DOCK3: variants seen among roughly 807,000 people sequenced by gnomAD.
DOCK3 encodes dedicator of cytokinesis protein 3.
DOCK3 carries 60 observed loss-of-function variants against 265.6 expected under a neutral mutation model. That is an observed-to-expected ratio of 0.23 (90% CI 0.18 to 0.28). DOCK3 has a LOEUF of 0.28. Ranked by LOEUF, DOCK3 falls within the 10% of genes least tolerant of loss-of-function variation. The pLI is 1.00. For synonymous variants in DOCK3, 881 were observed against 938.0 expected (o/e 0.94, Z 1.11); for missense variants, 1,981 against 2,594.3 (o/e 0.76, Z 5.14).
intron 40 of DOCK3, among the ~76,000 whole-genome samples, chr3:51,351,406 C>T (rs1463660849): frequency 6.6e-6 from 1 of 152,152 alleles, no homozygotes; most frequent in Non-Finnish European, 1.5e-5. Context: ...GGCTTAATAG[C>T]TCCTTTAAAA....
intron 1 of DOCK3, among the ~76,000 whole-genome samples, chr3:50,745,140 T>TC: frequency 6.6e-6 from 1 of 152,280 alleles, no homozygotes; most frequent in Middle Eastern, 3.4e-3. Context: ...AGACAGAGTC[T>TC]CACTCTGTTG....
rs1410960938 is a variant in DOCK3 at position 51,227,276 on chromosome 3, C to T, written c.1378-7C>T. On this transcript the variant is annotated splice_polypyrimidine_tract_variant and splice_region_variant and intron_variant, in intron 15 of 52. Coordinates refer to ENST00000266037, the MANE Select transcript of DOCK3 (RefSeq NM_004947.5). Reference sequence around the variant, plus strand: ...AGATGACATCTTATTTTGTTTCTTTCTTCCAGGATTGCATCAGCTTGGGTT... The same window carrying T: ...AGATGACATCTTATTTTGTTTCTTTTTTCCAGGATTGCATCAGCTTGGGTT... The T allele has an allele frequency of 1.2e-6, 2 of 1,612,126 alleles. No homozygotes were observed. The highest frequency in any genetic ancestry group is 3.3e-5 in the Admixed American group (2 of 59,892).
chr3:51,279,935 C>T (rs760839184), intron 26 of DOCK3, among the ~76,000 whole-genome samples, 171 bp from the exon 27 acceptor site: 5 of 152,198 alleles, frequency 3.3e-5, no homozygotes, highest in Non-Finnish European at 5.9e-5. Context: ...CCTAATCCCT[C>T]CAGGCTTTCC....
At chr3:50,950,403 A>T (rs1367980783) in intron 5 of DOCK3, among the ~76,000 whole-genome samples, 1 of 152,174 alleles carries the variant, frequency 6.6e-6, no homozygotes, top group Non-Finnish European at 1.5e-5. Flanking sequence ...TTCTCTGGGA[A>T]GATTTGCATT....
rs756774908 is a variant in DOCK3, at chr3:51,104,773, C to T, written c.746+14389C>T. 2.3e-4 allele frequency among the ~76,000 whole-genome samples: 35 copies of T among 152,184 alleles called. 1 individual carries two copies. Among genetic ancestry groups the T allele is most frequent in the South Asian group, 8.3e-4 (4 of 4,814 alleles). Reference sequence around the variant, plus strand: ...GAACGTCTAGGAGGATTTCCCATTACTTTTTTAATTTTTAAAATGTTTTTA... The same window carrying T: ...GAACGTCTAGGAGGATTTCCCATTATTTTTTTAATTTTTAAAATGTTTTTA... On this transcript the variant is annotated intron_variant, in intron 9 of 52. Transcript: ENST00000266037.
intron 3 of DOCK3, among the ~76,000 whole-genome samples, chr3:50,869,782 G>A (rs2047348901): frequency 6.6e-6 from 1 of 152,092 alleles, no homozygotes; most frequent in Admixed American, 6.6e-5. Flanking sequence ...CTTTATTGAT[G>A]TAGGTACTTA....
At chr3:50,839,645 G>A (rs538481777) in intron 2 of DOCK3, among the ~76,000 whole-genome samples, 85 of 143,732 alleles carry the variant, frequency 5.9e-4, no homozygotes, top group Non-Finnish European at 1.0e-3. Context: ...ATCTTCTTTG[G>A]TGAAGTGTCT....
At chr3:50,786,797 A>C in intron 2 of DOCK3, 5 of 741,272 alleles carry the variant, frequency 6.7e-6, no homozygotes, top group Middle Eastern at 2.5e-4. Flanking sequence ...TTTGTGCCCA[A>C]CGTGGATGCT....
chr3:51,377,796 T>C (rs2088259564), intron 51 of DOCK3, among the ~76,000 whole-genome samples: 1 of 152,222 alleles, frequency 6.6e-6, no homozygotes, highest in Admixed American at 6.5e-5. Flanking sequence ...CTTCCTGCCC[T>C]AGAGCTCCTT....
chr3:51,362,864 G>A (rs750428098), intron 49 of DOCK3, among the ~76,000 whole-genome samples, 190 bp downstream of exon 49: 3 of 152,192 alleles, frequency 2.0e-5, no homozygotes, highest in Admixed American at 6.5e-5. Context: ...TTCAGACTCC[G>A]CTCTGAGCAG....
chr3:50,890,508 G>C (rs2048589049), intron 4 of DOCK3, among the ~76,000 whole-genome samples: 1 of 151,960 alleles, frequency 6.6e-6, no homozygotes. Flanking sequence ...AAAATGGTTT[G>C]ATCACAAATT....
intron 9 of DOCK3, among the ~76,000 whole-genome samples, chr3:51,128,907 T>A (rs1277119495): frequency 6.6e-6 from 1 of 152,212 alleles, no homozygotes; most frequent in Non-Finnish European, 1.5e-5. Flanking sequence ...GGAAAGAGGC[T>A]GAGTGGTGTC....
In DOCK3 at chr3:50,804,509, G is replaced by C. The variant is rs1385948701; in HGVS notation, c.121+25751G>C. ...CCCGGTACCTTGGGAGGCTGAGGCT[G>C]GCGGATCACTCACGTTTAGGAGCTG... On this transcript the variant is annotated intron_variant, in intron 2 of 52. Coordinates refer to ENST00000266037, the MANE Select transcript of DOCK3 (RefSeq NM_004947.5). Among the ~76,000 whole-genome samples, 7 of 152,208 alleles carry C rather than the reference G, an allele frequency of 4.6e-5. No individual in the cohort carries two copies. The East Asian group carries it at 1.3e-3, about 29-fold the overall frequency.
At chr3:50,742,373 A>C (rs2039106306) in intron 1 of DOCK3, among the ~76,000 whole-genome samples, 1 of 152,220 alleles carries the variant, frequency 6.6e-6, no homozygotes. Flanking sequence ...TGAGAGAAGA[A>C]GGCTTCAGAC....
intron 5 of DOCK3, among the ~76,000 whole-genome samples, chr3:50,979,661 G>A (rs933242795): frequency 6.6e-6 from 1 of 152,032 alleles, no homozygotes; most frequent in Non-Finnish European, 1.5e-5. Context: ...AAACAAATAA[G>A]CCTCTTTTTA....
intron 2 of DOCK3, among the ~76,000 whole-genome samples, chr3:50,796,044 ATTT>A (rs752830380): frequency 7.2e-6 from 1 of 138,034 alleles, no homozygotes; most frequent in African/African-American, 2.7e-5. Context: ...TGGTGTGGTT[ATTT>A]TTTTTTTTTT....
intron 23 of DOCK3, among the ~76,000 whole-genome samples, chr3:51,268,838 C>T (rs955117378): frequency 6.6e-5 from 10 of 152,108 alleles, no homozygotes; most frequent in African/African-American, 2.4e-4. Context: ...CCTGTGATCT[C>T]CCCTTCTAAG....
chr3:50,972,525 G>A (rs939422172), intron 5 of DOCK3, among the ~76,000 whole-genome samples: 4 of 152,196 alleles, frequency 2.6e-5, no homozygotes, highest in Non-Finnish European at 5.9e-5. Context: ...CATGCACTGT[G>A]GTCTCTTTTG....
At chr3:51,262,488 C>A (rs1461966051) in intron 23 of DOCK3, among the ~76,000 whole-genome samples, 2 of 151,868 alleles carry the variant, frequency 1.3e-5, no homozygotes, top group Non-Finnish European at 2.9e-5. Context: ...CTGAAAATTC[C>A]AAAAAACCAG....
Sources: gnomAD v4.1 joint callset for allele counts (sites outside exome capture counted in the v4.1 genomes callset) on GRCh38, gnomAD v4.1.1 for gene constraint, MANE v1.5 for transcripts, NCBI Gene and HGNC (gene_info 2026-07-23, HGNC 2026-07-21) for gene names.